FOXP1: variants seen among roughly 807,000 people sequenced by gnomAD.
FOXP1 encodes forkhead box P1.
FOXP1 carries 15 observed loss-of-function variants against 98.2 expected under a neutral mutation model. The ratio of observed to expected loss-of-function variants is 0.15; its 90% CI spans 0.10 to 0.24. FOXP1 has a LOEUF of 0.24. Ranked by LOEUF, FOXP1 falls within the 10% of genes least tolerant of loss-of-function variation. The probability of loss-of-function intolerance (pLI) is 1.00; values close to 1 mark genes in which losing one functional copy is unlikely to be tolerated. For synonymous variants in FOXP1, 371 were observed against 314.5 expected (o/e 1.18, Z -1.90); for missense variants, 633 against 848.5 (o/e 0.75, Z 3.15).
chr3:71,417,859 C>T (rs944206083), intron 3 of FOXP1, among the ~76,000 whole-genome samples: 1 of 152,108 alleles, frequency 6.6e-6, no homozygotes, highest in Non-Finnish European at 1.5e-5. Flanking sequence ...CTTCATATTA[C>T]AGATCGAGGA....
intron 7 of FOXP1, among the ~76,000 whole-genome samples, chr3:71,089,323 T>C (rs1023190561): frequency 6.6e-6 from 1 of 152,142 alleles, no homozygotes; most frequent in African/African-American, 2.4e-5. Context: ...GCCTGAGAAC[T>C]TGAGGCCTCC....
At position 71,052,626 on chromosome 3, in the gene FOXP1, GCTA is replaced by G; in HGVS notation, c.421-3_421-1del. 2 of 1,208,134 alleles carry G rather than the reference GCTA, an allele frequency of 1.7e-6. No homozygotes were observed. The highest frequency in any genetic ancestry group is 2.5e-6 in the Non-Finnish European group (2 of 808,764). 74.8% of individuals were successfully genotyped at this position (1,208,134 alleles called of 1,614,324 possible). On this transcript the variant is annotated splice_acceptor_variant and splice_polypyrimidine_tract_variant and intron_variant, in intron 8 of 20. Transcript: ENST00000649528. LOFTEE classifies it high-confidence loss of function. ...TTTTTATAAAACTCTTGAAGCTGCT[GCTA>G]CAAAGGAAAGAGAGGACGGTAAGTA...
chr3:71,491,676 C>T (rs2091070886), intron 3 of FOXP1, among the ~76,000 whole-genome samples: 1 of 152,126 alleles, frequency 6.6e-6, no homozygotes, highest in African/African-American at 2.4e-5. Flanking sequence ...TATCAGTTAA[C>T]AAACTGTGGC....
At chr3:71,476,554 G>A (rs913324943) in intron 3 of FOXP1, among the ~76,000 whole-genome samples, 1 of 151,896 alleles carries the variant, frequency 6.6e-6, no homozygotes, top group Non-Finnish European at 1.5e-5. Context: ...GCAATGGCGC[G>A]ATCTCAGCTC....
Position 71,278,586 on chromosome 3 carries a change from G to C in FOXP1, c.-12+21234C>G, listed in dbSNP as rs148964958. The stretch of plus-strand genomic sequence containing the variant: ...TCACAAGGTCAGGAGTTCAAGACCA[G>C]CCTGACAAACATGGTGAAACCCCAT... On this transcript the variant is annotated intron_variant, in intron 5 of 20. Coordinates refer to ENST00000649528, the MANE Select transcript of FOXP1 (RefSeq NM_001349338.3). Among the ~76,000 whole-genome samples the C allele has an allele frequency of 8.0e-4, 122 of 152,178 alleles. 1 individual carries two copies. The East Asian group carries it at 0.023, about 29-fold the overall frequency.
chr3:71,171,268 A>T (rs1423021242), intron 6 of FOXP1, among the ~76,000 whole-genome samples: 2 of 152,210 alleles, frequency 1.3e-5, no homozygotes, highest in African/African-American at 4.8e-5. Context: ...AGAGACATAT[A>T]GATAAATAGA....
chr3:71,197,824 C>T lies in FOXP1; in HGVS notation c.180+378G>A, dbSNP rs568784218. 5.2e-6 allele frequency: 8 copies of T among 1,532,186 alleles called. No homozygotes were observed. In the East Asian group the frequency reaches 1.4e-4, roughly 26 times the overall value. 94.9% of individuals were successfully genotyped at this position (1,532,186 alleles called of 1,614,324 possible). ...TCCTTAGCTCTTATTTCCTTCTTCA[C>T]AGGCTTAAGCCTGTTTTTCGTTTAA... On this transcript the variant is annotated intron_variant, in intron 6 of 20. Transcript: ENST00000649528.
chr3:71,014,448 T>C (rs924461318), intron 12 of FOXP1, among the ~76,000 whole-genome samples: 1 of 152,078 alleles, frequency 6.6e-6, no homozygotes, highest in Non-Finnish European at 1.5e-5. Context: ...TGAGATACCA[T>C]CTCACACCAG....
chr3:71,083,586 C>G (rs1378282643), intron 7 of FOXP1, among the ~76,000 whole-genome samples: 1 of 152,206 alleles, frequency 6.6e-6, no homozygotes, highest in Non-Finnish European at 1.5e-5. Context: ...AAGAGATACT[C>G]TCTTTCTGAG....
chr3:71,482,275 T>C (rs1231359434), intron 3 of FOXP1, among the ~76,000 whole-genome samples: 1 of 152,184 alleles, frequency 6.6e-6, no homozygotes, highest in Admixed American at 6.5e-5. Context: ...AATGTCATAA[T>C]TAGCAATATC....
rs569141918 is a variant in FOXP1, at chr3:71,405,805, C to G, written c.-167-46561G>C. Among the ~76,000 whole-genome samples, 24 of 151,950 alleles carry G rather than the reference C, an allele frequency of 1.6e-4. No individual in the cohort carries two copies. In the South Asian group the frequency reaches 4.8e-3, roughly 30 times the overall value. Reference sequence around the variant, plus strand: ...GTGCAGTGGCTCAATCTCGGCTCATCACAACCTCTGCCTCCCGGGTTCAAG... The same window carrying G: ...GTGCAGTGGCTCAATCTCGGCTCATGACAACCTCTGCCTCCCGGGTTCAAG... On this transcript the variant is annotated intron_variant, in intron 3 of 20. Coordinates refer to ENST00000649528, the MANE Select transcript of FOXP1 (RefSeq NM_001349338.3).
intron 5 of FOXP1, among the ~76,000 whole-genome samples, chr3:71,220,705 A>G (rs1236284737): frequency 6.6e-6 from 1 of 151,942 alleles, no homozygotes; most frequent in African/African-American, 2.4e-5. Flanking sequence ...GTGAGCCGAG[A>G]TCGCACCACT....
intron 5 of FOXP1, among the ~76,000 whole-genome samples, chr3:71,285,616 A>G (rs1017141008): frequency 2.0e-5 from 3 of 152,248 alleles, no homozygotes; most frequent in African/African-American, 7.2e-5. Flanking sequence ...AATATTAGAA[A>G]TTAAATCCGA....
intron 19 of FOXP1, chr3:70,970,109 T>TGGTGATGTAAC (rs1389924184): frequency 6.5e-6 from 1 of 152,754 alleles, no homozygotes; most frequent in East Asian, 1.9e-4. Flanking sequence ...CTGGTACCAT[T>TGGTGATGTAAC]GGTGATGTAA....
intron 11 of FOXP1, among the ~76,000 whole-genome samples, chr3:71,028,091 T>C (rs1226559764): frequency 1.3e-5 from 2 of 152,032 alleles, no homozygotes; most frequent in African/African-American, 4.8e-5. Context: ...ACACAAAAAA[T>C]CTAGGAAGAC....
At chr3:71,406,933 A>C (rs1198989527) in intron 3 of FOXP1, among the ~76,000 whole-genome samples, 1 of 152,150 alleles carries the variant, frequency 6.6e-6, no homozygotes, top group Non-Finnish European at 1.5e-5. Flanking sequence ...GGAGCACACC[A>C]GGGGCTCAAC....
At chr3:71,322,668 G>C (rs535903968) in intron 4 of FOXP1, among the ~76,000 whole-genome samples, 2 of 152,244 alleles carry the variant, frequency 1.3e-5, no homozygotes, top group East Asian at 3.9e-4. Flanking sequence ...CTTGGTGACC[G>C]GCATGGAATT....
At chr3:71,384,535 A>T (rs1010184999) in intron 3 of FOXP1, among the ~76,000 whole-genome samples, 1 of 152,238 alleles carries the variant, frequency 6.6e-6, no homozygotes, top group Non-Finnish European at 1.5e-5. Context: ...AGTCAAAGTG[A>T]CCTCAGCTGA....
intron 8 of FOXP1, 96 bp from the exon 9 acceptor site, chr3:71,052,722 TC>T (rs1281050078): frequency 1.3e-6 from 1 of 780,610 alleles, no homozygotes; most frequent in African/African-American, 1.7e-5. Flanking sequence ...AAAAATAGCA[TC>T]CTTTTATCTG....
Sources: gnomAD v4.1 joint callset for allele counts (sites outside exome capture counted in the v4.1 genomes callset) on GRCh38, gnomAD v4.1.1 for gene constraint, MANE v1.5 for transcripts, NCBI Gene and HGNC (gene_info 2026-07-23, HGNC 2026-07-21) for gene names.